WDPCP: variants seen among roughly 807,000 people sequenced by gnomAD.
The protein encoded by WDPCP is WD repeat containing planar cell polarity effector.
In WDPCP, 71 loss-of-function variants were observed where a neutral mutation model predicts 93.1. The observed-to-expected ratio is 0.76, with a 90% CI of 0.63 to 0.93. The LOEUF (loss-of-function observed/expected upper bound fraction) is 0.93, where lower values mean the gene tolerates loss of function less well. Ranked by LOEUF, WDPCP falls within the 40% of genes least tolerant of loss-of-function variation. WDPCP has a pLI of 0.00. For missense variants in WDPCP, 844 were observed against 887.4 expected, an observed-to-expected ratio of 0.95 and a Z score of 0.62; for synonymous variants, 315 against 315.0, an observed-to-expected ratio of 1.00 and a Z score of 0.00.
chr2:63,169,991 C>T (rs1673264645), intron 15 of WDPCP, among the ~76,000 whole-genome samples: 1 of 151,452 alleles, frequency 6.6e-6, no homozygotes, highest in African/African-American at 2.4e-5. Flanking sequence ...TTTAGGGCCC[C>T]AAGCGATCCT....
chr2:63,227,211 T>C (rs1415142992), intron 14 of WDPCP, among the ~76,000 whole-genome samples: 1 of 151,990 alleles, frequency 6.6e-6, no homozygotes, highest in African/African-American at 2.4e-5. Context: ...AAATGCCCAC[T>C]GAATGAACAA....
intron 15 of WDPCP, among the ~76,000 whole-genome samples, chr2:63,166,085 G>C (rs1485744013): frequency 2.0e-5 from 3 of 150,718 alleles, no homozygotes; most frequent in East Asian, 3.9e-4. Context: ...TTTTTATTTT[G>C]AAACGGAGTC....
intron 3 of WDPCP, chr2:63,622,504 C>G: frequency 7.4e-6 from 12 of 1,613,910 alleles, no homozygotes; most frequent in Non-Finnish European, 1.0e-5. Context: ...ACACATCGTT[C>G]CTCCACCACC....
intron 14 of WDPCP, among the ~76,000 whole-genome samples, chr2:63,249,042 C>T (rs1219567950): frequency 6.6e-6 from 1 of 151,832 alleles, no homozygotes; most frequent in East Asian, 1.9e-4. Flanking sequence ...TGATTTCTAC[C>T]AATTAATTTT....
At chr2:63,545,795 G>GC (rs1401902574) in intron 1 of WDPCP, among the ~76,000 whole-genome samples, 1 of 150,978 alleles carries the variant, frequency 6.6e-6, no homozygotes, top group East Asian at 1.9e-4. Context: ...AAAAAACGGT[G>GC]CAATGGTCTA....
intron 6 of WDPCP, among the ~76,000 whole-genome samples, chr2:63,457,601 A>G (rs1344475286): frequency 6.6e-6 from 1 of 152,210 alleles, no homozygotes; most frequent in East Asian, 1.9e-4. Flanking sequence ...AAATGATAAT[A>G]TATCATGATC....
chr2:63,337,701 G>A lies in WDPCP; in HGVS notation c.1749-24390C>T, dbSNP rs561429012. ...CTTTTGGATACAAGTCGTTTTAACT[G>A]GGATAAGATGATAGGTAATTGTGGT... On this transcript the variant is annotated intron_variant, in intron 12 of 17. Transcript: ENST00000272321. 2.0e-5 allele frequency among the ~76,000 whole-genome samples: 3 copies of A among 152,226 alleles called. No individual in the cohort carries two copies. The South Asian group carries it at 6.2e-4, about 32-fold the overall frequency.
chr2:63,152,812 G>A, intron 17 of WDPCP, 102 bp downstream of exon 17: 4 of 1,102,102 alleles, frequency 3.6e-6, no homozygotes, highest in Admixed American at 3.6e-5. Context: ...TCCAGTTAAT[G>A]TAGACCAATA....
At chr2:63,403,867 A>T in intron 10 of WDPCP, 181 bp downstream of exon 10, 2 of 756,456 alleles carry the variant, frequency 2.6e-6, no homozygotes, top group Non-Finnish European at 4.2e-6. Flanking sequence ...TTCAATATCT[A>T]GTGTTCCTTT....
At chr2:63,769,324 A>C (rs1575768691) in intron 2 of WDPCP, among the ~76,000 whole-genome samples, 2 of 152,000 alleles carry the variant, frequency 1.3e-5, no homozygotes, top group Non-Finnish European at 2.9e-5. Context: ...TGTGGGTAGG[A>C]AATTCCAATA....
intron 2 of WDPCP, among the ~76,000 whole-genome samples, chr2:63,672,746 A>G (rs1235198501): frequency 4.3e-5 from 5 of 116,312 alleles, no homozygotes; most frequent in Non-Finnish European, 7.2e-5. Context: ...ATTTTATTTT[A>G]TTTTATTTTA....
intron 2 of WDPCP, among the ~76,000 whole-genome samples, chr2:63,743,319 G>GT (rs1390887605): frequency 2.0e-5 from 3 of 152,060 alleles, no homozygotes; most frequent in Admixed American, 1.3e-4. Context: ...GGTCATCAAT[G>GT]TTAGAGTCAC....
In WDPCP at chr2:63,500,450, TGG is replaced by T. The variant is rs1553412904; in HGVS notation, c.76-7512_76-7511del. On this transcript the variant is annotated intron_variant, in intron 1 of 17. Coordinates refer to ENST00000272321, the MANE Select transcript of WDPCP (RefSeq NM_015910.7). ...GAAAGCCTTGAAAGAGAAAATGGTGTGGGGGTGTGTGTGTGTGTGTGTGTGTG... is the reference window on the plus strand; with the variant it reads ...GAAAGCCTTGAAAGAGAAAATGGTGTGGGTGTGTGTGTGTGTGTGTGTGTG... Among the ~76,000 whole-genome samples, 506 of 97,448 alleles carry T rather than the reference TGG, an allele frequency of 5.2e-3. 5 individuals are homozygous for T. The highest frequency in any genetic ancestry group is 0.019 in the African/African-American group (403 of 21,456). The allele number at this position is 97,448 out of a possible 152,430, so 63.9% of individuals were successfully genotyped here.
intron 6 of WDPCP, among the ~76,000 whole-genome samples, chr2:63,455,428 AT>A (rs1207705613): frequency 1.2e-4 from 18 of 149,332 alleles, no homozygotes; most frequent in African/African-American, 4.4e-4. Context: ...ATATATATAT[AT>A]ATATATATAT....
At chr2:63,516,248 A>AGGGG (rs1702544376) in intron 1 of WDPCP, among the ~76,000 whole-genome samples, 1 of 152,132 alleles carries the variant, frequency 6.6e-6, no homozygotes, top group Non-Finnish European at 1.5e-5. Context: ...TAAATGTGTA[A>AGGGG]TAATCAAGTC....
intron 2 of WDPCP, among the ~76,000 whole-genome samples, chr2:63,693,643 C>T (rs934013079): frequency 6.6e-6 from 1 of 151,954 alleles, no homozygotes; most frequent in Non-Finnish European, 1.5e-5. Flanking sequence ...ACCCCCAAGG[C>T]GGGTTGTGGA....
chr2:63,508,608 G>A (rs904537483), intron 1 of WDPCP, among the ~76,000 whole-genome samples: 1 of 152,004 alleles, frequency 6.6e-6, no homozygotes. Flanking sequence ...CTGTAAACTG[G>A]CCAAATGCTC....
At chr2:63,409,416 C>A (rs890036483) in intron 9 of WDPCP, among the ~76,000 whole-genome samples, 1 of 152,174 alleles carries the variant, frequency 6.6e-6, no homozygotes, top group Non-Finnish European at 1.5e-5. Context: ...CAACCCTAGA[C>A]CTTCCGTCTG....
intron 12 of WDPCP, among the ~76,000 whole-genome samples, chr2:63,325,468 GC>G (rs1687461467): frequency 6.6e-6 from 1 of 152,184 alleles, no homozygotes; most frequent in Non-Finnish European, 1.5e-5. Context: ...CCCTCACTGA[GC>G]CCCAGGTATG....
Sources: gnomAD v4.1 joint callset for allele counts (sites outside exome capture counted in the v4.1 genomes callset) on GRCh38, gnomAD v4.1.1 for gene constraint, MANE v1.5 for transcripts, NCBI Gene and HGNC (gene_info 2026-07-23, HGNC 2026-07-21) for gene names.